Variants in LRP2 observed in about 807,000 individuals in gnomAD.
LRP2 encodes LDL receptor related protein 2, also known as low-density lipoprotein receptor-related protein 2.
LRP2 carries 172 observed loss-of-function variants against 531.0 expected under a neutral mutation model. The observed-to-expected ratio is 0.32, with a 90% CI of 0.29 to 0.37. LRP2 has a LOEUF of 0.37. Ranked by LOEUF, LRP2 falls within the 10% of genes least tolerant of loss-of-function variation. The probability of loss-of-function intolerance (pLI) is 1.00; values close to 1 mark genes in which losing one functional copy is unlikely to be tolerated. For synonymous variants in LRP2, 1,992 were observed against 2,027.6 expected (o/e 0.98, Z 0.47); for missense variants, 5,167 against 5,868.3 (o/e 0.88, Z 3.90).
At chr2:169,355,724 C>A (rs1165919228) in intron 1 of LRP2, among the ~76,000 whole-genome samples, 1 of 152,314 alleles carries the variant, frequency 6.6e-6, no homozygotes, top group East Asian at 1.9e-4. Flanking sequence ...AGAATGGAGT[C>A]ATCTCAGAGC....
At chr2:169,183,805 C>T (rs765394443) in intron 50 of LRP2, among the ~76,000 whole-genome samples, 1 of 152,128 alleles carries the variant, frequency 6.6e-6, no homozygotes, top group Non-Finnish European at 1.5e-5. Context: ...GCTTTGGAAA[C>T]CAAACACCCT....
At chr2:169,130,679 C>G (rs1574055169) in intron 77 of LRP2, among the ~76,000 whole-genome samples, 1 of 152,232 alleles carries the variant, frequency 6.6e-6, no homozygotes, top group Admixed American at 6.5e-5. Context: ...GTGATCTCAC[C>G]CAAGCGCCTC....
In LRP2 at chr2:169,320,256, G is replaced by A. The variant is rs542942841; in HGVS notation, c.187+521C>T. On this transcript the variant is annotated intron_variant, in intron 2 of 78. Transcript: ENST00000649046. ...TAGATTTGAAGTTTACTACATTATC[G>A]TATTTTTCAAATTTTTTAAAACTAG... 1.2e-4 allele frequency among the ~76,000 whole-genome samples: 18 copies of A among 152,248 alleles called. No homozygotes were observed. In the East Asian group the frequency reaches 1.5e-3, roughly 13 times the overall value.
chr2:169,327,863 G>A (rs1177259705), intron 1 of LRP2, among the ~76,000 whole-genome samples: 2 of 2,898 alleles, frequency 6.9e-4, no homozygotes, highest in Admixed American at 1.7e-3. Context: ...CCAGCCAGCC[G>A]CCCCGTCCGG....
chr2:169,181,112 G>A (rs1294993921), intron 52 of LRP2, among the ~76,000 whole-genome samples: 2 of 152,050 alleles, frequency 1.3e-5, no homozygotes, highest in Non-Finnish European at 2.9e-5. Context: ...TCATAGGGGA[G>A]AGCAAATTAA....
At chr2:169,292,608 T>C (rs1295791742) in intron 6 of LRP2, among the ~76,000 whole-genome samples, 1 of 151,816 alleles carries the variant, frequency 6.6e-6, no homozygotes, top group African/African-American at 2.4e-5. Context: ...TTTTTCAAGA[T>C]TAAAAATTAG....
intron 56 of LRP2, among the ~76,000 whole-genome samples, chr2:169,173,538 T>G (rs1418950772): frequency 6.6e-6 from 1 of 152,186 alleles, no homozygotes; most frequent in Admixed American, 6.5e-5. Context: ...AATGTAACCA[T>G]CCACTTAATG....
chr2:169,227,795 G>A (rs1402058823), intron 31 of LRP2, among the ~76,000 whole-genome samples: 2 of 152,074 alleles, frequency 1.3e-5, no homozygotes, highest in African/African-American at 2.4e-5. Context: ...TTAGTCTAAT[G>A]TAAATTTCGC....
chr2:169,175,243 T>C lies in LRP2; in HGVS notation c.10718A>G (p.Asn3573Ser), dbSNP rs1558996039. The C allele has an allele frequency of 1.9e-6, 3 of 1,614,162 alleles. No homozygotes were observed. Among genetic ancestry groups the C allele is most frequent in the Admixed American group, 1.7e-5 (1 of 60,022 alleles). Residue 3573 changes from asparagine (N) to serine (S), a missense_variant, in exon 55 of 79, where the codon AAT (asparagine) becomes AGT (serine). Around this residue, in one of 6 missense-constraint regions of LRP2, gnomAD observed 311 missense variants for 309.4 expected, o/e 1.01. Coordinates refer to ENST00000649046, the MANE Select transcript of LRP2 (RefSeq NM_004525.3). ...GNCTSPQTLC[N>S]AHQNCPDGSD... ...CCCATCAGGGCAATTTTGGTGAGCATTGCATAAAGTCTGCGGGCTGGTGCA... is the reference window on the plus strand; with the variant it reads ...CCCATCAGGGCAATTTTGGTGAGCACTGCATAAAGTCTGCGGGCTGGTGCA...
chr2:169,282,487 T>C (rs1446785154), intron 10 of LRP2, among the ~76,000 whole-genome samples: 1 of 152,226 alleles, frequency 6.6e-6, no homozygotes, highest in Non-Finnish European at 1.5e-5. Flanking sequence ...AAGAACACTG[T>C]GAAAATTATT....
intron 63 of LRP2, among the ~76,000 whole-genome samples, chr2:169,160,749 C>G (rs2105368565): frequency 6.8e-6 from 1 of 147,866 alleles, no homozygotes; most frequent in South Asian, 2.2e-4. Flanking sequence ...CTATTTTAAG[C>G]CACCTATCAG....
chr2:169,232,822 C>T (rs1360018918), intron 30 of LRP2, among the ~76,000 whole-genome samples: 1 of 152,114 alleles, frequency 6.6e-6, no homozygotes, highest in Admixed American at 6.5e-5. Context: ...GAGAAGAGAG[C>T]AGGGAAATAG....
chr2:169,348,715 A>G (rs1205394225), intron 1 of LRP2, among the ~76,000 whole-genome samples: 1 of 152,224 alleles, frequency 6.6e-6, no homozygotes, highest in Non-Finnish European at 1.5e-5. Context: ...GGGAATTCTC[A>G]CAGGGTAACC....
chr2:169,179,756 C>T (rs2892803), intron 52 of LRP2, among the ~76,000 whole-genome samples: 80,695 of 148,470 alleles, frequency 0.54, 22,928 homozygotes, highest in Admixed American at 0.65. Context: ...ACAGGCACAG[C>T]TCCAGTGATG....
intron 1 of LRP2, among the ~76,000 whole-genome samples, chr2:169,327,256 A>G (rs1291733749): frequency 1.7e-4 from 1 of 5,812 alleles, no homozygotes; most frequent in Non-Finnish European, 1.1e-3. Flanking sequence ...CACGTCCGGG[A>G]GGGAGGTGGG....
At position 169,185,654 on chromosome 2, in the gene LRP2, A is replaced by C; in HGVS notation, c.9694T>G (p.Leu3232Val). The change falls in exon 50 of 79, where the codon TTA (leucine) becomes GTA (valine). Residue 3232 changes from leucine to valine, a missense_variant. Physicochemically the swap from Leu to Val is conservative, Grantham distance 32 (BLOSUM62 1). Coordinates refer to ENST00000649046, the MANE Select transcript of LRP2 (RefSeq NM_004525.3). ...ILEGLDNVVA[L>V]DFDRVEKRLY... is the part of the protein sequence containing the mutation. ...CTCTTCTCTACTCGGTCAAAATCTA[A>C]TGCCACAACATTGTCCAGTCCTTCC... The C allele has an allele frequency of 6.2e-7, 1 of 1,614,188 alleles. No individual in the cohort carries two copies. Among genetic ancestry groups the C allele is most frequent in the Non-Finnish European group, 8.5e-7 (1 of 1,180,018 alleles).
At chr2:169,358,898 CAAAAAAA>C (rs777233354) in intron 1 of LRP2, among the ~76,000 whole-genome samples, 1 of 115,912 alleles carries the variant, frequency 8.6e-6, no homozygotes, top group Non-Finnish European at 1.8e-5. Flanking sequence ...ACGATTTTCT[CAAAAAAA>C]AAAAAAAAAA....
intron 4 of LRP2, among the ~76,000 whole-genome samples, chr2:169,298,524 C>T (rs573421499): frequency 1.0e-3 from 155 of 150,652 alleles, no homozygotes; most frequent in African/African-American, 3.0e-3. Context: ...CAGGAAGAAG[C>T]GAAAAATTAA....
At chr2:169,203,560 A>T (rs1688271958) in intron 42 of LRP2, among the ~76,000 whole-genome samples, 1 of 152,140 alleles carries the variant, frequency 6.6e-6, no homozygotes, top group African/African-American at 2.4e-5. Flanking sequence ...AAGAGTTTGA[A>T]ACTAGCCTGG....
Sources: gnomAD v4.1 joint callset for allele counts (sites outside exome capture counted in the v4.1 genomes callset) on GRCh38, gnomAD v4.1.1 for gene constraint, gnomAD v4.1.1 regional missense constraint, MANE v1.5 for transcripts, NCBI Gene and HGNC (gene_info 2026-07-23, HGNC 2026-07-21) for gene names.